TIMM23B: variants seen among roughly 807,000 people sequenced by gnomAD.
TIMM23B encodes mitochondrial import inner membrane translocase subunit Tim23B.
Under a neutral mutation model 27.3 loss-of-function variants are expected in TIMM23B, and 27 were observed. The observed-to-expected ratio is 0.99, with a 90% CI of 0.73 to 1.36. TIMM23B has a LOEUF of 1.36. TIMM23B is among the 40% of genes most tolerant of loss of function. The pLI, the probability that TIMM23B is intolerant of heterozygous loss-of-function variation, is 0.00. For synonymous variants in TIMM23B, 73 were observed against 92.4 expected (o/e 0.79, Z 1.21); for missense variants, 205 against 244.2 (o/e 0.84, Z 1.07).
At chr10:49,945,452 C>G (rs1487851163) in intron 2 of TIMM23B, among the ~76,000 whole-genome samples, 1 of 152,170 alleles carries the variant, frequency 6.6e-6, no homozygotes, top group Non-Finnish European at 1.5e-5. Flanking sequence ...GCGATCTCTG[C>G]TCACTGCAAC....
chr10:49,963,482 A>G (rs1246772401), intron 6 of TIMM23B, among the ~76,000 whole-genome samples: 3 of 152,088 alleles, frequency 2.0e-5, no homozygotes, highest in Non-Finnish European at 1.5e-5. Context: ...ATGACATGAG[A>G]TGAAATGGGA....
At chr10:49,966,645 A>G (rs1840174136) in intron 6 of TIMM23B, among the ~76,000 whole-genome samples, 1 of 151,922 alleles carries the variant, frequency 6.6e-6, no homozygotes. Flanking sequence ...GGCCAACATG[A>G]TGAAACCCCA....
At chr10:49,965,072 T>A (rs188397785) in intron 6 of TIMM23B, among the ~76,000 whole-genome samples, 665 of 152,072 alleles carry the variant, frequency 4.4e-3, no homozygotes, top group East Asian at 0.017. Flanking sequence ...ATACAAAAAT[T>A]AGCCGGGCAT....
intron 6 of TIMM23B, among the ~76,000 whole-genome samples, chr10:49,969,851 G>A (rs1840344832): frequency 6.6e-6 from 1 of 151,810 alleles, no homozygotes; most frequent in African/African-American, 2.4e-5. Flanking sequence ...GCCGAAGCTG[G>A]ACTGTACTGC....
intron 6 of TIMM23B, among the ~76,000 whole-genome samples, chr10:49,970,908 G>C (rs1365834271): frequency 2.6e-5 from 4 of 152,232 alleles, no homozygotes; most frequent in African/African-American, 9.6e-5. Context: ...GTGGGGAAAA[G>C]ATAGAGAAAT....
chr10:49,950,715 G>T (rs1203435660), intron 2 of TIMM23B, among the ~76,000 whole-genome samples: 1 of 151,696 alleles, frequency 6.6e-6, no homozygotes, highest in African/African-American at 2.4e-5. Context: ...CTAATTTTTT[G>T]TATTTTAGTA....
chr10:49,944,620 G>C (rs1165885944), intron 1 of TIMM23B, among the ~76,000 whole-genome samples: 2 of 152,052 alleles, frequency 1.3e-5, no homozygotes, highest in African/African-American at 4.8e-5. Context: ...TACACAGTCA[G>C]AAAACCCAAC....
At chr10:49,966,543 A>G (rs1406020527) in intron 6 of TIMM23B, among the ~76,000 whole-genome samples, 1 of 152,088 alleles carries the variant, frequency 6.6e-6, no homozygotes, top group Non-Finnish European at 1.5e-5. Flanking sequence ...GAAATATGAA[A>G]TGCTGGGTGT....
rs1839667907 is a variant in TIMM23B at position 49,955,030 on chromosome 10, G to A, written c.373G>A (p.Ala125Thr). Reference sequence around the variant, plus strand: ...TTTGAATATGGTGACTAGGCAAGGGGCACTTTGGGCTAATACTCTAGGTTC... The same window carrying A: ...TTTGAATATGGTGACTAGGCAAGGGACACTTTGGGCTAATACTCTAGGTTC... ...QILNMVTRQG[A>T]LWANTLGSLA... The change falls in exon 5 of 7, where the codon GCA becomes ACA. Residue 125 changes from alanine to threonine, a missense_variant. Physicochemically the swap from Ala to Thr is moderately conservative, Grantham distance 58. Transcript: ENST00000651259. 2.5e-6 allele frequency: 4 copies of A among 1,612,902 alleles called. No individual in the cohort carries two copies. The Admixed American group carries it at 6.7e-5, about 27-fold the overall frequency.
intron 1 of TIMM23B, chr10:49,943,094 C>T (rs1337159414): frequency 2.0e-5 from 3 of 152,102 alleles, no homozygotes; most frequent in Admixed American, 2.0e-4. Flanking sequence ...TACTAAGGAA[C>T]AACAACAACG....
At chr10:49,955,346 A>G (rs1839680244) in intron 5 of TIMM23B, among the ~76,000 whole-genome samples, 1 of 152,254 alleles carries the variant, frequency 6.6e-6, no homozygotes, top group Admixed American at 6.5e-5. Context: ...TGTTTAAATG[A>G]AATCCAGATA....
chr10:49,969,436 CAA>C lies in TIMM23B; in HGVS notation c.515-3556_515-3555del, dbSNP rs533041097. On this transcript the variant is annotated intron_variant, in intron 6 of 6. Coordinates refer to ENST00000651259, the MANE Select transcript of TIMM23B (RefSeq NM_001290117.2). ...TGGGCGACAGAGTGAGACCCTGTGT[CAA>C]AAAAAAAAAAAAAAAAAAAGATAGA... 5.9e-3 allele frequency among the ~76,000 whole-genome samples: 438 copies of C among 74,738 alleles called. 1 individual carries two copies. Among genetic ancestry groups the C allele is most frequent in the African/African-American group, 0.018 (348 of 19,126 alleles). 49.0% of individuals were successfully genotyped at this position (74,738 alleles called of 152,430 possible).
At chr10:49,971,199 G>T (rs1840429443) in intron 6 of TIMM23B, among the ~76,000 whole-genome samples, 1 of 151,984 alleles carries the variant, frequency 6.6e-6, no homozygotes, top group East Asian at 1.9e-4. Context: ...GCGGAAGGCC[G>T]CAGGGTCCTC....
Position 49,956,336 on chromosome 10 carries a change from A to T in TIMM23B, c.403+1276A>T, listed in dbSNP as rs1311822250. On this transcript the variant is annotated intron_variant, in intron 5 of 6. Coordinates refer to ENST00000651259, the MANE Select transcript of TIMM23B (RefSeq NM_001290117.2). The stretch of plus-strand genomic sequence containing the variant: ...GCATAGAAAGATGGCTTGGGGGAAG[A>T]TACTTTAAAATGAAATGGTGCTAGT... Among the ~76,000 whole-genome samples, 9 of 151,912 alleles carry T rather than the reference A, an allele frequency of 5.9e-5. No homozygotes were observed. In the East Asian group the frequency reaches 1.7e-3, roughly 29 times the overall value.
chr10:49,942,979 A>T (rs1458426975), intron 1 of TIMM23B, among the ~76,000 whole-genome samples: 1 of 152,208 alleles, frequency 6.6e-6, no homozygotes, highest in Non-Finnish European at 1.5e-5. Flanking sequence ...GTTCAACTAG[A>T]TAAATAGAAC....
At chr10:49,958,892 A>G (rs1263582845) in intron 6 of TIMM23B, among the ~76,000 whole-genome samples, 42 of 152,356 alleles carry the variant, frequency 2.8e-4, no homozygotes, top group South Asian at 2.1e-4. Flanking sequence ...TTTACGTAGC[A>G]TAATATCCTC....
chr10:49,957,856 A>C lies in TIMM23B; in HGVS notation c.404-514A>C, dbSNP rs1175986008. Reference sequence around the variant, plus strand: ...AAAGGACATGCTCTACTACTAATAGACTGGGCACAGAAATCCAGCAAGGCC... The same window carrying C: ...AAAGGACATGCTCTACTACTAATAGCCTGGGCACAGAAATCCAGCAAGGCC... On this transcript the variant is annotated intron_variant, in intron 5 of 6. Transcript: ENST00000651259. Among the ~76,000 whole-genome samples the C allele has an allele frequency of 2.1e-4, 32 of 152,308 alleles. No homozygotes were observed. In the East Asian group the frequency reaches 5.8e-3, roughly 28 times the overall value.
chr10:49,967,694 T>G (rs1353882687), intron 6 of TIMM23B, among the ~76,000 whole-genome samples: 5 of 152,240 alleles, frequency 3.3e-5, no homozygotes, highest in African/African-American at 9.6e-5. Flanking sequence ...CAGACTATGT[T>G]ACTACTGCAA....
At chr10:49,963,972 CATGACATGACATG>C (rs1840017489) in intron 6 of TIMM23B, among the ~76,000 whole-genome samples, 1 of 151,808 alleles carries the variant, frequency 6.6e-6, no homozygotes, top group African/African-American at 2.4e-5. Context: ...CTCGAAATGA[CATGACATGACATG>C]ATGAAATGAA....
Sources: gnomAD v4.1 joint callset for allele counts (sites outside exome capture counted in the v4.1 genomes callset) on GRCh38, gnomAD v4.1.1 for gene constraint, MANE v1.5 for transcripts, NCBI Gene and HGNC (gene_info 2026-07-23, HGNC 2026-07-21) for gene names.